CHEK1: variants seen among roughly 807,000 people sequenced by gnomAD.
CHEK1 encodes the protein checkpoint kinase 1, also known as serine/threonine-protein kinase Chk1.
CHEK1 carries 32 observed loss-of-function variants against 60.2 expected under a neutral mutation model. The ratio of observed to expected loss-of-function variants is 0.53; its 90% CI spans 0.40 to 0.71. The LOEUF is 0.71. CHEK1 is among the 30% of genes least tolerant of loss of function. The probability of loss-of-function intolerance (pLI) is 0.00; values close to 1 mark genes in which losing one functional copy is unlikely to be tolerated. For synonymous variants in CHEK1, 179 were observed against 187.2 expected (o/e 0.96, Z 0.36); for missense variants, 399 against 564.6 (o/e 0.71, Z 2.97).
rs372223910 is a variant in CHEK1 at position 125,672,597 on chromosome 11, A to G, written c.*28-3331A>G. ...AACAAGCAAGGGCCCAGGCTTCTAGATCTTATTGCAGAAAGATTGATTTCG... is the reference window on the plus strand; with the variant it reads ...AACAAGCAAGGGCCCAGGCTTCTAGGTCTTATTGCAGAAAGATTGATTTCG... On this transcript the variant is annotated intron_variant, in intron 13 of 13. Transcript: ENST00000428830. The G allele has an allele frequency of 2.4e-5, 39 of 1,613,900 alleles. No individual in the cohort carries two copies. Among genetic ancestry groups the G allele is most frequent in the Non-Finnish European group, 3.1e-5 (36 of 1,180,010 alleles).
At chr11:125,637,024 T>C (rs1210547457) in intron 7 of CHEK1, among the ~76,000 whole-genome samples, 1 of 152,150 alleles carries the variant, frequency 6.6e-6, no homozygotes, top group African/African-American at 2.4e-5. Context: ...TACCTTAGGA[T>C]GGTTAGTTAG....
In CHEK1 at chr11:125,668,915, C is replaced by G. The variant is rs536046500; in HGVS notation, c.*28-7013C>G. On this transcript the variant is annotated intron_variant, in intron 13 of 13. Transcript: ENST00000428830. ...TTCTGTATTTTTTAAATTCTTTTTT[C>G]CAAGGATTATCATATCTTATCACAG... 2.0e-5 allele frequency among the ~76,000 whole-genome samples: 3 copies of G among 151,978 alleles called. No individual in the cohort carries two copies. In the East Asian group the frequency reaches 5.8e-4, roughly 29 times the overall value.
chr11:125,629,485 CTAAAA>C (rs766397021), intron 5 of CHEK1, 25 bp downstream of exon 5: 72 of 1,482,650 alleles, frequency 4.9e-5, no homozygotes, highest in Admixed American at 1.4e-4. Flanking sequence ...TTATCACTAC[CTAAAA>C]TAAAATAAAA....
At chr11:125,648,353 C>T (rs991972315) in intron 11 of CHEK1, among the ~76,000 whole-genome samples, 6 of 152,070 alleles carry the variant, frequency 3.9e-5, no homozygotes, top group East Asian at 1.9e-4. Flanking sequence ...GAGGCCGTTG[C>T]GGGTGGATCA....
At chr11:125,650,203 A>G (rs1941662871) in intron 11 of CHEK1, among the ~76,000 whole-genome samples, 2 of 151,274 alleles carry the variant, frequency 1.3e-5, no homozygotes, top group Admixed American at 6.6e-5. Flanking sequence ...TATTGTTGGT[A>G]TACTTGATGT....
intron 11 of CHEK1, among the ~76,000 whole-genome samples, chr11:125,652,498 T>C (rs1744135187): frequency 6.6e-6 from 1 of 152,196 alleles, no homozygotes; most frequent in Admixed American, 6.5e-5. Flanking sequence ...TTGTTTCTTC[T>C]TTCAGTGGTA....
chr11:125,675,633 A>G (rs1474127640), intron 13 of CHEK1, among the ~76,000 whole-genome samples: 1 of 152,242 alleles, frequency 6.6e-6, no homozygotes, highest in Non-Finnish European at 1.5e-5. Context: ...CTGGTCTGGT[A>G]ACCTGTGAAC....
At chr11:125,648,155 A>T in intron 11 of CHEK1, among the ~76,000 whole-genome samples, 1 of 151,542 alleles carries the variant, frequency 6.6e-6, no homozygotes, top group African/African-American at 2.4e-5. Flanking sequence ...AATTTTTTAA[A>T]ATTTTATTTT....
intron 13 of CHEK1, among the ~76,000 whole-genome samples, chr11:125,674,468 C>A (rs1482121975): frequency 6.6e-6 from 1 of 152,158 alleles, no homozygotes; most frequent in Non-Finnish European, 1.5e-5. Context: ...TGAAACTGTT[C>A]AGGAAGTGGT....
intron 5 of CHEK1, among the ~76,000 whole-genome samples, chr11:125,630,503 G>A (rs1156288351): frequency 6.6e-6 from 1 of 151,898 alleles, no homozygotes; most frequent in East Asian, 1.9e-4. Context: ...TAGAGATGGG[G>A]TTTTGTCATA....
downstream of CHEK1, chr11:125,676,322 T>C (rs774750050): frequency 6.2e-7 from 1 of 1,612,582 alleles, no homozygotes; most frequent in South Asian, 1.1e-5. Flanking sequence ...GTTGATGTGT[T>C]CTCAGGCAGA....
rs1190128820 is a variant in CHEK1 at position 125,629,546 on chromosome 11, A to G, written c.424+86A>G. The G allele has an allele frequency of 3.0e-6, 3 of 987,396 alleles. No individual in the cohort carries two copies. The African/African-American group carries it at 5.0e-5, about 16-fold the overall frequency. The allele number at this position is 987,396 out of a possible 1,614,324, so 61.2% of individuals were successfully genotyped here. On this transcript the variant is annotated intron_variant, in intron 5 of 12. Coordinates refer to ENST00000438015, the MANE Select transcript of CHEK1 (RefSeq NM_001114122.3). ...ATTACCTAATTATTTTAATATAGCC[A>G]TACAAGGCAAAATCAAGTCTTTTTG...
At chr11:125,629,149 A>G in intron 3 of CHEK1, 83 bp from the exon 4 acceptor site, 9 of 1,355,938 alleles carry the variant, frequency 6.6e-6, no homozygotes, top group African/African-American at 1.4e-5. Flanking sequence ...ACATTTGTAA[A>G]TGTCTAAGCT....
Position 125,644,582 on chromosome 11 carries a change from A to G in CHEK1, c.1172A>G (p.Gln391Arg). The change falls in exon 11 of 13, where the codon CAA (glutamine) becomes CGA (arginine). Residue 391 changes from glutamine (Q) to arginine (R), a missense_variant. Physicochemically the swap from Gln to Arg is conservative, Grantham distance 43. Around this residue, in one of 2 missense-constraint regions of CHEK1, gnomAD observed 370 missense variants for 494.8 expected, o/e 0.75. Coordinates refer to ENST00000438015, the MANE Select transcript of CHEK1 (RefSeq NM_001114122.3). ...FTKLDADKSYQCLKETCEKLG... is the reference protein window; with the variant it reads ...FTKLDADKSYRCLKETCEKLG... ...AAATTGGATGCAGACAAATCTTATC[A>G]ATGCCTGAAAGAGACTTGTGAGAAG... The G allele has an allele frequency of 6.2e-7, 1 of 1,614,166 alleles. No homozygotes were observed. The highest frequency in any genetic ancestry group is 8.5e-7 in the Non-Finnish European group (1 of 1,180,020).
At chr11:125,678,142 A>C, downstream of CHEK1, 1 of 1,614,200 alleles carries the variant, frequency 6.2e-7, no homozygotes, top group Non-Finnish European at 8.5e-7. Context: ...TGCTCACTGG[A>C]ACCATGCTCA....
At chr11:125,634,319 TGTTTTTTTGTG>T (rs1375440376) in intron 6 of CHEK1, among the ~76,000 whole-genome samples, 1 of 151,922 alleles carries the variant, frequency 6.6e-6, no homozygotes, top group Non-Finnish European at 1.5e-5. Context: ...GTCTGTTTTT[TGTTTTTTTGTG>T]GTTTTTTTTG....
chr11:125,672,302 TG>T, intron 13 of CHEK1: 1 of 267,476 alleles, frequency 3.7e-6, no homozygotes, highest in Non-Finnish European at 7.0e-6. Context: ...ACTAGATTAA[TG>T]GGGGAAAAAA....
At chr11:125,669,372 GTT>G (rs1414803710) in intron 13 of CHEK1, among the ~76,000 whole-genome samples, 8 of 152,008 alleles carry the variant, frequency 5.3e-5, no homozygotes, top group African/African-American at 1.7e-4. Flanking sequence ...GCTCTCCATT[GTT>G]TCTGATGAGA....
rs554502049 is a variant in CHEK1, at chr11:125,663,843, G to A, written c.*27+8496G>A. On this transcript the variant is annotated intron_variant, in intron 13 of 13. Transcript: ENST00000428830. ...CCATCTTGACTTTATTTTTGTTTGT[G>A]GTACAGGAAAGGAGTCCAGTTTCAG... is the stretch of plus-strand genomic sequence containing the variant. 3.8e-4 allele frequency among the ~76,000 whole-genome samples: 58 copies of A among 152,212 alleles called. No homozygotes were observed. The South Asian group carries it at 0.01, about 27-fold the overall frequency.
Sources: allele counts gnomAD v4.1 joint callset (sites outside exome capture counted in the v4.1 genomes callset), GRCh38; gene constraint gnomAD v4.1.1; regional missense constraint gnomAD v4.1.1; transcripts MANE v1.5; gene names NCBI Gene and HGNC (gene_info 2026-07-23, HGNC 2026-07-21).